Variants in SGCB observed in about 807,000 individuals in gnomAD.
SGCB encodes sarcoglycan beta.
A neutral mutation model predicts 27.3 loss-of-function variants in SGCB; 25 were observed. The observed-to-expected ratio is 0.92, with a 90% CI of 0.67 to 1.28. SGCB has a LOEUF of 1.28. SGCB is among the 50% of genes most tolerant of loss of function. SGCB has a pLI of 0.00. For missense variants in SGCB, 436 were observed against 402.1 expected, an observed-to-expected ratio of 1.08 and a Z score of -0.72; for synonymous variants, 147 against 133.5, an observed-to-expected ratio of 1.10 and a Z score of -0.70.
chr4:52,029,607 G>A (rs1737196517), intron 3 of SGCB, 71 bp downstream of exon 3: 3 of 984,096 alleles, frequency 3.0e-6, no homozygotes, highest in Admixed American at 3.4e-5. Flanking sequence ...AATCAACTAG[G>A]TTTTTGCAAA....
In SGCB at chr4:52,028,026, A is replaced by G. The variant is rs775855700; in HGVS notation, c.695T>C (p.Val232Ala). Reference protein sequence around the residue: ...GRAIVRGNEGVFIMGKTIEFH... With the variant: ...GRAIVRGNEGAFIMGKTIEFH... Reference sequence around the variant, plus strand: ...TTCAATGGTTTTGCCCATAATGAATACACCTTCATTTCCACGCACAATAGC... The same window carrying G: ...TTCAATGGTTTTGCCCATAATGAATGCACCTTCATTTCCACGCACAATAGC... The change falls in exon 5 of 6, where the codon GTA becomes GCA. Residue 232 changes from valine to alanine, a missense_variant. Physicochemically the swap from Val to Ala is moderately conservative, Grantham distance 64. Coordinates refer to ENST00000381431, the MANE Select transcript of SGCB (RefSeq NM_000232.5). The G allele has an allele frequency of 6.2e-7, 1 of 1,611,002 alleles. No homozygotes were observed. The highest frequency in any genetic ancestry group is 1.7e-5 in the Admixed American group (1 of 60,028).
Position 52,028,895 on chromosome 4 carries a change from C to A in SGCB, c.456G>T (p.Lys152Asn). 1 of 1,613,792 alleles carries A rather than the reference C, an allele frequency of 6.2e-7. No homozygotes were observed. Reference protein sequence around the residue: ...QPIVFQQGTTKLSVENNKTSI... With the variant: ...QPIVFQQGTTNLSVENNKTSI... ...AAGTTTTGTTGTTTTCTACACTGAG[C>A]TTTGTTGTCCCTTGCTGAAAAACAA... Residue 152 changes from lysine (K) to asparagine (N), a missense_variant, in exon 4 of 6, where the codon AAG becomes AAT. By Grantham distance (94) the Lys-to-Asn change is moderately conservative (BLOSUM62 0). Transcript: ENST00000381431.
At chr4:52,037,922 C>G (rs946046576) in intron 1 of SGCB, among the ~76,000 whole-genome samples, 1 of 152,288 alleles carries the variant, frequency 6.6e-6, no homozygotes, top group East Asian at 1.9e-4. Context: ...CGTCCCAGCG[C>G]AGGCTTCCAG....
chr4:52,036,232 C>T (rs952011782), intron 1 of SGCB, among the ~76,000 whole-genome samples: 2 of 152,096 alleles, frequency 1.3e-5, no homozygotes, highest in Non-Finnish European at 2.9e-5. Context: ...AGGAGTTAAC[C>T]AGGCAAAAGA....
chr4:52,023,771 T>C lies in SGCB; in HGVS notation c.*186A>G. 3.5e-6 allele frequency: 2 copies of C among 577,194 alleles called. No individual in the cohort carries two copies. Among genetic ancestry groups the C allele is most frequent in the South Asian group, 4.4e-5 (2 of 45,776 alleles). 35.8% of individuals were successfully genotyped at this position (577,194 alleles called of 1,614,324 possible). On this transcript the variant is annotated 3_prime_UTR_variant, in exon 6 of 6. Transcript: ENST00000381431. Reference sequence around the variant, plus strand: ...CAGTAAATATGAAGATTAGTATAAATTAATAAAATGTATTAGAATTTAGGC... The same window carrying C: ...CAGTAAATATGAAGATTAGTATAAACTAATAAAATGTATTAGAATTTAGGC...
intron 2 of SGCB, among the ~76,000 whole-genome samples, chr4:52,030,204 T>C (rs927696633): frequency 2.0e-5 from 3 of 152,198 alleles, no homozygotes; most frequent in Non-Finnish European, 4.4e-5. Flanking sequence ...TCTAAATATA[T>C]GTATTTCTTC....
At chr4:52,027,864 A>T in intron 5 of SGCB, 104 bp downstream of exon 5, 1 of 1,128,756 alleles carries the variant, frequency 8.9e-7, no homozygotes, top group South Asian at 1.4e-5. Flanking sequence ...CCATGTCAAA[A>T]AATAGACAAT....
At chr4:52,031,115 T>C (rs983631001) in intron 2 of SGCB, among the ~76,000 whole-genome samples, 1 of 152,154 alleles carries the variant, frequency 6.6e-6, no homozygotes, top group African/African-American at 2.4e-5. Context: ...TTCATAATAA[T>C]GGCCTTGTTG....
intron 2 of SGCB, among the ~76,000 whole-genome samples, chr4:52,032,357 T>C (rs1371705072): frequency 1.3e-5 from 2 of 152,210 alleles, no homozygotes; most frequent in African/African-American, 4.8e-5. Flanking sequence ...TTATCTGCCA[T>C]TGTTCCTCCT....
intron 2 of SGCB, among the ~76,000 whole-genome samples, 194 bp from the exon 3 acceptor site, chr4:52,030,057 TA>T (rs1737210367): frequency 1.3e-5 from 2 of 152,188 alleles, no homozygotes; most frequent in Admixed American, 1.3e-4. Flanking sequence ...TGCAAATAGC[TA>T]AAAGTCAAAA....
At chr4:52,024,235 CTGAAA>C in intron 5 of SGCB, 75 bp from the exon 6 acceptor site, 1 of 1,129,720 alleles carries the variant, frequency 8.9e-7, no homozygotes, top group Middle Eastern at 2.8e-4. Context: ...ACAAAACTTC[CTGAAA>C]TATCAATGAG....
intron 1 of SGCB, 58 bp from the exon 2 acceptor site, chr4:52,033,698 T>C (rs1560568936): frequency 7.5e-7 from 1 of 1,330,644 alleles, no homozygotes; most frequent in Non-Finnish European, 1.1e-6. Context: ...GGTGCATTTA[T>C]CTATTAGGTG....
chr4:52,027,062 G>A (rs949958995), intron 5 of SGCB, among the ~76,000 whole-genome samples: 17 of 152,102 alleles, frequency 1.1e-4, no homozygotes, highest in Non-Finnish European at 1.8e-4. Context: ...GCTTATAAAA[G>A]TAAAACAACT....
intron 5 of SGCB, among the ~76,000 whole-genome samples, chr4:52,024,682 G>T (rs1006707430): frequency 1.3e-5 from 2 of 151,896 alleles, no homozygotes; most frequent in African/African-American, 4.8e-5. Flanking sequence ...CAAAAACTTA[G>T]CGGGACGTGG....
chr4:52,023,971 C>T lies in SGCB; in HGVS notation c.943G>A (p.Gly315Arg), dbSNP rs150395645. 3.8e-4 allele frequency: 610 copies of T among 1,613,890 alleles called. No homozygotes were observed. The highest frequency in any genetic ancestry group is 4.6e-4 in the Non-Finnish European group (543 of 1,179,992). Residue 315 changes from glycine (G) to arginine (R), a missense_variant, in exon 6 of 6, where the codon GGA becomes AGA. By Grantham distance (125) the Gly-to-Arg change is moderately radical. Coordinates refer to ENST00000381431, the MANE Select transcript of SGCB (RefSeq NM_000232.5). ...CTGGGGTTCTTTTAATGAGTGTTTC[C>T]ACAGGGGTTGTCTGAGATTTGGCAG... is the stretch of plus-strand genomic sequence containing the variant. ...MGCQISDNPC[G>R]NTH
chr4:52,032,641 G>A (rs1464282802), intron 2 of SGCB, among the ~76,000 whole-genome samples: 1 of 152,158 alleles, frequency 6.6e-6, no homozygotes, highest in Non-Finnish European at 1.5e-5. Flanking sequence ...TTAGACAGAA[G>A]TGCTTTGGAC....
chr4:52,031,392 CTGTG>C (rs55972642), intron 2 of SGCB, among the ~76,000 whole-genome samples: 64,862 of 140,116 alleles, frequency 0.46, 16,691 homozygotes, highest in Non-Finnish European at 0.59. Context: ...CCATTCATCT[CTGTG>C]TGTGTGTGTA....
intron 1 of SGCB, among the ~76,000 whole-genome samples, chr4:52,034,675 G>A (rs1027884637): frequency 2.6e-5 from 4 of 152,106 alleles, no homozygotes; most frequent in East Asian, 1.9e-4. Flanking sequence ...AAATAAGACC[G>A]GAAAGGCTGA....
Position 52,023,951 on chromosome 4 carries a change from G to A in SGCB, c.*6C>T. 1.2e-6 allele frequency: 2 copies of A among 1,612,558 alleles called. No individual in the cohort carries two copies. The highest frequency in any genetic ancestry group is 1.7e-6 in the Non-Finnish European group (2 of 1,178,578). Reference sequence around the variant, plus strand: ...TATAAACATGTTGGTGACCTCTGGGGTTCTTTTAATGAGTGTTTCCACAGG... The same window carrying A: ...TATAAACATGTTGGTGACCTCTGGGATTCTTTTAATGAGTGTTTCCACAGG... On this transcript the variant is annotated 3_prime_UTR_variant, in exon 6 of 6. Coordinates refer to ENST00000381431, the MANE Select transcript of SGCB (RefSeq NM_000232.5).
Sources: allele counts gnomAD v4.1 joint callset (sites outside exome capture counted in the v4.1 genomes callset), GRCh38; gene constraint gnomAD v4.1.1; transcripts MANE v1.5; gene names NCBI Gene and HGNC (gene_info 2026-07-23, HGNC 2026-07-21).